FAM81B: variants seen among roughly 807,000 people sequenced by gnomAD.
FAM81B encodes the protein protein FAM81B.
A neutral mutation model predicts 58.7 loss-of-function variants in FAM81B; 60 were observed. The observed-to-expected ratio is 1.02, with a 90% CI of 0.83 to 1.27. The LOEUF (loss-of-function observed/expected upper bound fraction) is 1.27. Ranked by LOEUF, FAM81B falls within the 50% of genes most tolerant of loss-of-function variation. FAM81B has a pLI of 0.00. For missense variants in FAM81B, 491 were observed against 522.0 expected, an observed-to-expected ratio of 0.94 and a Z score of 0.58; for synonymous variants, 189 against 179.6, an observed-to-expected ratio of 1.05 and a Z score of -0.42.
At chr5:95,431,672 G>T (rs1744898185) in intron 6 of FAM81B, among the ~76,000 whole-genome samples, 1 of 151,816 alleles carries the variant, frequency 6.6e-6, no homozygotes, top group Admixed American at 6.6e-5. Context: ...ATGTAGATTT[G>T]GCATAATTTC....
intron 3 of FAM81B, chr5:95,396,625 A>G (rs1229287496): frequency 1.3e-5 from 2 of 153,506 alleles, no homozygotes; most frequent in Admixed American, 1.3e-4. Flanking sequence ...GAGCTCCCCC[A>G]GGAAAGGTGT....
intron 7 of FAM81B, among the ~76,000 whole-genome samples, chr5:95,442,842 G>C (rs959949945): frequency 1.3e-5 from 2 of 152,150 alleles, no homozygotes; most frequent in Non-Finnish European, 2.9e-5. Context: ...TTTCTAATAT[G>C]AAACTTAGAA....
chr5:95,417,239 T>C (rs1438847815), intron 4 of FAM81B, among the ~76,000 whole-genome samples: 1 of 152,222 alleles, frequency 6.6e-6, no homozygotes, highest in African/African-American at 2.4e-5. Context: ...GAGTGCTTTT[T>C]TTCCACTTTA....
At chr5:95,408,742 C>G (rs1015914519) in intron 3 of FAM81B, among the ~76,000 whole-genome samples, 2 of 152,190 alleles carry the variant, frequency 1.3e-5, no homozygotes, top group Non-Finnish European at 2.9e-5. Flanking sequence ...CATGAAGATT[C>G]AATAGATGAC....
At chr5:95,418,551 AC>A (rs1349345535) in intron 4 of FAM81B, among the ~76,000 whole-genome samples, 2 of 152,226 alleles carry the variant, frequency 1.3e-5, no homozygotes, top group African/African-American at 2.4e-5. Context: ...ATATTATAGT[AC>A]ATTGTTATAA....
In FAM81B at chr5:95,424,829, A is replaced by G. The variant is rs567611244; in HGVS notation, c.657-3774A>G. 1.7e-4 allele frequency among the ~76,000 whole-genome samples: 26 copies of G among 152,330 alleles called. 1 individual carries two copies. In the South Asian group the frequency reaches 4.1e-3, roughly 24 times the overall value. ...TACAGGCATCTTTTACTTTGATAAA[A>G]TAAATAATAATTTTAAAAGTAAGGT... On this transcript the variant is annotated intron_variant, in intron 5 of 9. Coordinates refer to ENST00000283357, the MANE Select transcript of FAM81B (RefSeq NM_152548.3).
At chr5:95,413,300 A>T (rs2731819) in intron 3 of FAM81B, among the ~76,000 whole-genome samples, 117,349 of 152,156 alleles carry the variant, frequency 0.77, 45,429 homozygotes, top group East Asian at 0.84. Context: ...ATACACTGCT[A>T]CACCAGGTTC....
chr5:95,420,251 G>T, intron 4 of FAM81B, 33 bp from the exon 5 acceptor site: 1 of 1,611,730 alleles, frequency 6.2e-7, no homozygotes, highest in South Asian at 1.1e-5. Flanking sequence ...TGTGTGATGG[G>T]AAATTAATGG....
At chr5:95,395,474 T>C (rs1761943246) in intron 2 of FAM81B, among the ~76,000 whole-genome samples, 1 of 150,186 alleles carries the variant, frequency 6.7e-6, no homozygotes, top group Non-Finnish European at 1.5e-5. Flanking sequence ...ATTTAAGGCA[T>C]TTTTGAGATA....
At chr5:95,394,474 G>T (rs1194271983) in intron 2 of FAM81B, among the ~76,000 whole-genome samples, 1 of 152,150 alleles carries the variant, frequency 6.6e-6, no homozygotes, top group Non-Finnish European at 1.5e-5. Flanking sequence ...GAGGAGGAAA[G>T]AACTGGCAAT....
chr5:95,427,086 T>C lies in FAM81B; in HGVS notation c.657-1517T>C, dbSNP rs568925967. ...AGAAGCTTTTCCCAGATCATAAACC[T>C]AGGAAGTAGCAGAAGCATGGTCTAT... On this transcript the variant is annotated intron_variant, in intron 5 of 9. Coordinates refer to ENST00000283357, the MANE Select transcript of FAM81B (RefSeq NM_152548.3). Among the ~76,000 whole-genome samples the C allele has an allele frequency of 2.2e-3, 329 of 151,938 alleles. 2 individuals are homozygous for C. Among genetic ancestry groups the C allele is most frequent in the African/African-American group, 7.7e-3 (319 of 41,406 alleles).
At chr5:95,407,425 TGC>T (rs796576355) in intron 3 of FAM81B, among the ~76,000 whole-genome samples, 1,647 of 146,984 alleles carry the variant, frequency 0.011, 28 homozygotes, top group African/African-American at 0.028. Context: ...CACACACGCG[TGC>T]GCGCACACAA....
chr5:95,433,528 G>A (rs115920191), intron 6 of FAM81B, among the ~76,000 whole-genome samples: 2,186 of 152,230 alleles, frequency 0.014, 46 homozygotes, highest in African/African-American at 0.05. Context: ...CACCCTCTGA[G>A]TTAAGGACTT....
intron 3 of FAM81B, among the ~76,000 whole-genome samples, chr5:95,407,413 CACACACACGCGTGCGCGCACACAA>C (rs1255274602): frequency 4.6e-5 from 7 of 150,756 alleles, no homozygotes; most frequent in East Asian, 1.9e-4. Context: ...CACACACGCA[CACACACACGCGTGCGCGCACACAA>C]ACACACACGC....
At chr5:95,393,309 T>A (rs1324489764) in intron 2 of FAM81B, among the ~76,000 whole-genome samples, 1 of 152,316 alleles carries the variant, frequency 6.6e-6, no homozygotes, top group East Asian at 1.9e-4. Context: ...GTTTTTAGAC[T>A]TTTTTTGCAC....
chr5:95,446,807 A>G (rs886726728), intron 8 of FAM81B, 110 bp downstream of exon 8: 5 of 1,420,012 alleles, frequency 3.5e-6, no homozygotes, highest in Non-Finnish European at 3.8e-6. Context: ...TCACTGCTTC[A>G]GTAACTTTTT....
intron 7 of FAM81B, among the ~76,000 whole-genome samples, chr5:95,444,691 T>C (rs534294893): frequency 1.3e-5 from 2 of 152,288 alleles, no homozygotes; most frequent in Admixed American, 6.5e-5. Flanking sequence ...CTCATATCTA[T>C]GTGAAAAATA....
intron 7 of FAM81B, among the ~76,000 whole-genome samples, chr5:95,444,529 C>T (rs188210217): frequency 4.7e-4 from 72 of 152,218 alleles, no homozygotes; most frequent in African/African-American, 1.6e-3. Flanking sequence ...AGGGAGTCTA[C>T]GTATCCAGTG....
intron 5 of FAM81B, chr5:95,424,026 T>C: frequency 7.8e-7 from 1 of 1,289,362 alleles, no homozygotes; most frequent in Non-Finnish European, 1.0e-6. Flanking sequence ...TGCAACCGTG[T>C]TCTTTATCAT....
Sources: allele counts gnomAD v4.1 joint callset (sites outside exome capture counted in the v4.1 genomes callset), GRCh38; gene constraint gnomAD v4.1.1; transcripts MANE v1.5; gene names NCBI Gene and HGNC (gene_info 2026-07-23, HGNC 2026-07-21).